The following PHACTR1 variants were observed in gnomAD, a reference collection of about 807,000 sequenced individuals.
PHACTR1 encodes the protein RPEL repeat containing 1.
In PHACTR1, 16 loss-of-function variants were observed where a neutral mutation model predicts 69.2. The observed-to-expected ratio is 0.23, with a 90% CI of 0.16 to 0.35. PHACTR1 has a LOEUF of 0.35. Among genes scored for constraint, PHACTR1 ranks in the 10% least tolerant of loss-of-function variants. The pLI is 1.00. For missense variants in PHACTR1, 510 were observed against 734.7 expected, an observed-to-expected ratio of 0.69 and a Z score of 3.54; for synonymous variants, 312 against 284.5, an observed-to-expected ratio of 1.10 and a Z score of -0.97.
chr6:13,107,788 G>A (rs970244179), intron 5 of PHACTR1, among the ~76,000 whole-genome samples: 1 of 151,686 alleles, frequency 6.6e-6, no homozygotes, highest in African/African-American at 2.4e-5. Context: ...TTTCCTAGAG[G>A]TTATCACTTT....
chr6:12,724,793 AC>A (rs1306758339), intron 3 of PHACTR1, among the ~76,000 whole-genome samples: 1 of 152,058 alleles, frequency 6.6e-6, no homozygotes, highest in East Asian at 1.9e-4. Context: ...TCACATCCAT[AC>A]CCTGTCCACT....
At chr6:12,780,010 C>A (rs1770610912) in intron 4 of PHACTR1, among the ~76,000 whole-genome samples, 1 of 152,084 alleles carries the variant, frequency 6.6e-6, no homozygotes, top group Non-Finnish European at 1.5e-5. Flanking sequence ...GCCCACCCTA[C>A]TCTAGCCTAG....
At chr6:12,862,230 T>C (rs1312013180) in intron 4 of PHACTR1, among the ~76,000 whole-genome samples, 1 of 152,138 alleles carries the variant, frequency 6.6e-6, no homozygotes, top group Non-Finnish European at 1.5e-5. Context: ...AACACCAGTA[T>C]CGGGGTATAG....
intron 7 of PHACTR1, among the ~76,000 whole-genome samples, chr6:13,200,050 CA>C (rs895619108): frequency 2.0e-4 from 30 of 152,168 alleles, no homozygotes; most frequent in African/African-American, 7.0e-4. Context: ...GAAATTATCC[CA>C]ATGACCCCCC....
At chr6:13,261,572 C>T (rs1290486684) in intron 10 of PHACTR1, among the ~76,000 whole-genome samples, 1 of 152,214 alleles carries the variant, frequency 6.6e-6, no homozygotes, top group Middle Eastern at 3.2e-3. Flanking sequence ...GGAGGGTGTT[C>T]TGTGCACCTG....
intron 4 of PHACTR1, among the ~76,000 whole-genome samples, chr6:12,928,546 A>G (rs1238062099): frequency 6.6e-6 from 1 of 152,174 alleles, no homozygotes; most frequent in African/African-American, 2.4e-5. Context: ...CCGAGTTCAC[A>G]GAGTATTTGC....
At chr6:13,207,577 C>A (rs975777890) in intron 8 of PHACTR1, among the ~76,000 whole-genome samples, 1 of 151,608 alleles carries the variant, frequency 6.6e-6, no homozygotes, top group African/African-American at 2.4e-5. Context: ...ATTGTGTATA[C>A]ACACATGAGT....
At chr6:12,944,370 A>G (rs1394416552) in intron 4 of PHACTR1, among the ~76,000 whole-genome samples, 1 of 152,228 alleles carries the variant, frequency 6.6e-6, no homozygotes, top group African/African-American at 2.4e-5. Flanking sequence ...TGCAAAACAT[A>G]CTAAGGAGGA....
At chr6:12,736,050 G>A (rs13202204) in intron 3 of PHACTR1, among the ~76,000 whole-genome samples, 1 of 152,146 alleles carries the variant, frequency 6.6e-6, no homozygotes, top group Non-Finnish European at 1.5e-5. Context: ...GAACTGAGAT[G>A]TACTAATAAC....
chr6:12,749,855 C>T, intron 4 of PHACTR1, 65 bp downstream of exon 4: 10 of 1,401,146 alleles, frequency 7.1e-6, no homozygotes, highest in African/African-American at 1.5e-5. Flanking sequence ...GGCTGTTGAG[C>T]CCCCGCCCCT....
chr6:13,123,995 C>T (rs1819133827), intron 5 of PHACTR1, among the ~76,000 whole-genome samples: 1 of 152,176 alleles, frequency 6.6e-6, no homozygotes, highest in African/African-American at 2.4e-5. Flanking sequence ...GCTATCTTAG[C>T]TGGGTGGGGG....
chr6:12,814,873 C>G (rs62389220), intron 4 of PHACTR1, among the ~76,000 whole-genome samples: 11,507 of 152,188 alleles, frequency 0.076, 469 homozygotes, highest in Middle Eastern at 0.12. Context: ...AATCCTTGGT[C>G]CTTTGTGAGA....
At chr6:13,076,654 G>A (rs1810520141) in intron 5 of PHACTR1, among the ~76,000 whole-genome samples, 1 of 152,030 alleles carries the variant, frequency 6.6e-6, no homozygotes, top group Non-Finnish European at 1.5e-5. Context: ...CCCAGTTGGA[G>A]CTGGAGTGGA....
At chr6:13,269,372 T>C (rs1371958968) in intron 10 of PHACTR1, among the ~76,000 whole-genome samples, 2 of 152,220 alleles carry the variant, frequency 1.3e-5, no homozygotes, top group East Asian at 3.8e-4. Flanking sequence ...GCTCACTCAG[T>C]TGCATAATCA....
intron 4 of PHACTR1, among the ~76,000 whole-genome samples, chr6:12,904,436 A>G (rs1447246114): frequency 6.6e-6 from 1 of 151,606 alleles, no homozygotes; most frequent in Non-Finnish European, 1.5e-5. Context: ...TGGGAGCCTG[A>G]GGCAGGAGAA....
chr6:13,066,998 A>C (rs1046549792), intron 5 of PHACTR1, among the ~76,000 whole-genome samples: 3 of 152,166 alleles, frequency 2.0e-5, no homozygotes, highest in African/African-American at 2.4e-5. Context: ...AACAAGGTTC[A>C]TTGGGGCTTG....
At chr6:12,927,733 T>C (rs995956716) in intron 4 of PHACTR1, among the ~76,000 whole-genome samples, 6 of 152,132 alleles carry the variant, frequency 3.9e-5, no homozygotes, top group Non-Finnish European at 4.4e-5. Flanking sequence ...CTCAGGACCA[T>C]TTGAGAATCT....
intron 4 of PHACTR1, among the ~76,000 whole-genome samples, chr6:12,876,920 A>C (rs1782578436): frequency 6.6e-6 from 1 of 152,200 alleles, no homozygotes; most frequent in Non-Finnish European, 1.5e-5. Context: ...AAATCCCAGT[A>C]CAAAATCAAG....
intron 4 of PHACTR1, among the ~76,000 whole-genome samples, chr6:12,973,076 T>A (rs1424192843): frequency 1.3e-5 from 2 of 152,160 alleles, no homozygotes; most frequent in African/African-American, 4.8e-5. Flanking sequence ...AGGATAACCT[T>A]TTCTCAGGAC....
Sources: allele counts gnomAD v4.1 joint callset (sites outside exome capture counted in the v4.1 genomes callset), GRCh38; gene constraint gnomAD v4.1.1; transcripts MANE v1.5; gene names NCBI Gene and HGNC (gene_info 2026-07-23, HGNC 2026-07-21).